PKNOX2: variants seen among roughly 807,000 people sequenced by gnomAD.
PKNOX2 encodes PBX/knotted 1 homeobox 2.
A neutral mutation model predicts 53.1 loss-of-function variants in PKNOX2; 14 were observed. The ratio of observed to expected loss-of-function variants is 0.26; its 90% CI spans 0.17 to 0.41. The LOEUF (loss-of-function observed/expected upper bound fraction) is 0.41. Ranked by LOEUF, PKNOX2 falls within the 10% of genes least tolerant of loss-of-function variation. The pLI is 1.00. For synonymous variants in PKNOX2, 257 were observed against 242.8 expected (o/e 1.06, Z -0.54); for missense variants, 496 against 602.8 (o/e 0.82, Z 1.85).
intron 7 of PKNOX2, among the ~76,000 whole-genome samples, chr11:125,404,444 G>C (rs1030804967): frequency 1.3e-5 from 2 of 152,210 alleles, no homozygotes; most frequent in African/African-American, 2.4e-5. Flanking sequence ...GGATTAGGTG[G>C]CTTGTTTACA....
intron 1 of PKNOX2, among the ~76,000 whole-genome samples, chr11:125,221,226 G>C (rs1941117530): frequency 6.6e-6 from 1 of 152,162 alleles, no homozygotes; most frequent in African/African-American, 2.4e-5. Context: ...CTCTGGGGCT[G>C]TGAGCCTGGC....
intron 2 of PKNOX2, among the ~76,000 whole-genome samples, chr11:125,300,096 G>C (rs920492227): frequency 2.6e-5 from 4 of 152,266 alleles, no homozygotes; most frequent in Non-Finnish European, 5.9e-5. Flanking sequence ...GGCCTTCGGG[G>C]CCGTGTGAGC....
In PKNOX2 at chr11:125,358,148, T is replaced by A. The variant is rs142692060; in HGVS notation, c.87+6756T>A. 2.1e-3 allele frequency among the ~76,000 whole-genome samples: 324 copies of A among 152,356 alleles called. 1 individual carries two copies. The highest frequency in any genetic ancestry group is 7.1e-3 in the African/African-American group (296 of 41,592). On this transcript the variant is annotated intron_variant, in intron 4 of 12. Transcript: ENST00000298282. ...CAACTTCATTCTTCACTCGATCACC[T>A]GCACATCTCCAGCAGCCCAGATGGG...
chr11:125,355,608 C>T (rs1191311082), intron 4 of PKNOX2, among the ~76,000 whole-genome samples: 1 of 152,194 alleles, frequency 6.6e-6, no homozygotes, highest in African/African-American at 2.4e-5. Flanking sequence ...TTGATTCCAA[C>T]ATCACCCCAC....
chr11:125,284,775 G>A (rs1056171080), intron 2 of PKNOX2, among the ~76,000 whole-genome samples: 2 of 152,106 alleles, frequency 1.3e-5, no homozygotes, highest in African/African-American at 4.8e-5. Flanking sequence ...CCTCCTCAGA[G>A]AAAGGACACT....
intron 6 of PKNOX2, among the ~76,000 whole-genome samples, chr11:125,391,729 G>A (rs1302242401): frequency 6.6e-6 from 1 of 152,154 alleles, no homozygotes; most frequent in Non-Finnish European, 1.5e-5. Flanking sequence ...GGTTGCATTT[G>A]TTTTGCTTTT....
At chr11:125,183,984 C>A (rs1373157693) in intron 1 of PKNOX2, among the ~76,000 whole-genome samples, 1 of 152,108 alleles carries the variant, frequency 6.6e-6, no homozygotes, top group East Asian at 1.9e-4. Flanking sequence ...AATACATTTT[C>A]AATTTATTTA....
intron 5 of PKNOX2, among the ~76,000 whole-genome samples, chr11:125,378,880 G>A (rs1011819697): frequency 1.3e-5 from 2 of 151,790 alleles, no homozygotes; most frequent in East Asian, 1.9e-4. Context: ...TTGCATCTTC[G>A]CCTCTCTGAA....
intron 3 of PKNOX2, among the ~76,000 whole-genome samples, chr11:125,349,199 T>G (rs962182260): frequency 6.6e-6 from 1 of 152,172 alleles, no homozygotes; most frequent in Non-Finnish European, 1.5e-5. Context: ...ATTCTGGAAG[T>G]TCCTTCTGAT....
At chr11:125,225,268 C>T (rs1941591763) in intron 1 of PKNOX2, among the ~76,000 whole-genome samples, 1 of 152,218 alleles carries the variant, frequency 6.6e-6, no homozygotes, top group Admixed American at 6.5e-5. Context: ...TGTCTGTCCC[C>T]TCATTAGACT....
Position 125,397,955 on chromosome 11 carries a change from C to T in PKNOX2, c.481C>T (p.Arg161Cys). 6.2e-7 allele frequency: 1 copy of T among 1,614,110 alleles called. No homozygotes were observed. Among genetic ancestry groups the T allele is most frequent in the East Asian group, 2.2e-5 (1 of 44,876 alleles). Residue 161 changes from arginine (R) to cysteine (C), a missense_variant, in exon 7 of 13, where the codon CGT (arginine) becomes TGT (cysteine). Physicochemically the swap from Arg to Cys is radical, Grantham distance 180 (BLOSUM62 -3). This residue lies in a region of PKNOX2 where 12 missense variants were observed against 37.2 expected (regional missense o/e 0.32). Transcript: ENST00000298282. ...TGAACTCTGCAAGGACTTTTGTAAC[C>T]GTTACATCACCTGCCTCAAAACCAA... ...VNELCKDFCNRYITCLKTKMH... is the reference protein window; with the variant it reads ...VNELCKDFCNCYITCLKTKMH...
chr11:125,219,904 C>T (rs2135491658), intron 1 of PKNOX2, among the ~76,000 whole-genome samples: 1 of 152,276 alleles, frequency 6.6e-6, no homozygotes, highest in East Asian at 1.9e-4. Flanking sequence ...GGAAATGATC[C>T]TAAAGACATT....
At position 125,431,550 on chromosome 11, in the gene PKNOX2, G is replaced by C. The variant is rs1437661325; in HGVS notation, c.*158G>C. ...TTGAAGAAAGGCAAAGGAGACACCTGTTCCTTCCCAACCACCGAGCTTCAA... is the reference window on the plus strand; with the variant it reads ...TTGAAGAAAGGCAAAGGAGACACCTCTTCCTTCCCAACCACCGAGCTTCAA... On this transcript the variant is annotated 3_prime_UTR_variant, in exon 13 of 13. Coordinates refer to ENST00000298282, the MANE Select transcript of PKNOX2 (RefSeq NM_001382323.2). 3.6e-6 allele frequency: 3 copies of C among 835,844 alleles called. No individual in the cohort carries two copies. In the Admixed American group the frequency reaches 8.6e-5, roughly 24 times the overall value. The allele number at this position is 835,844 out of a possible 1,614,324, so 51.8% of individuals were successfully genotyped here. A position where few individuals can be genotyped will look rare whatever the true frequency, so the allele number is the denominator to read the frequency against.
intron 6 of PKNOX2, among the ~76,000 whole-genome samples, chr11:125,390,473 G>T (rs937209436): frequency 6.6e-6 from 1 of 152,200 alleles, no homozygotes; most frequent in Non-Finnish European, 1.5e-5. Flanking sequence ...CAACTCTGAG[G>T]AGTCACTATT....
At chr11:125,241,427 T>C (rs1315380248) in intron 2 of PKNOX2, among the ~76,000 whole-genome samples, 1 of 152,222 alleles carries the variant, frequency 6.6e-6, no homozygotes, top group African/African-American at 2.4e-5. Context: ...TGCGTTCCTT[T>C]GCCTGTAGAC....
At chr11:125,314,400 CAG>C (rs1949021711) in intron 2 of PKNOX2, among the ~76,000 whole-genome samples, 1 of 152,174 alleles carries the variant, frequency 6.6e-6, no homozygotes, top group African/African-American at 2.4e-5. Flanking sequence ...AGACCTTGCT[CAG>C]AAGTCCATCT....
chr11:125,175,780 G>A (rs947622051), intron 1 of PKNOX2, among the ~76,000 whole-genome samples: 6 of 152,180 alleles, frequency 3.9e-5, no homozygotes, highest in African/African-American at 1.4e-4. Flanking sequence ...TCAGTCAACT[G>A]GTGGCAATAA....
chr11:125,382,568 G>A (rs909284604), intron 5 of PKNOX2, among the ~76,000 whole-genome samples: 3 of 152,144 alleles, frequency 2.0e-5, no homozygotes, highest in Non-Finnish European at 2.9e-5. Context: ...TTGAGAGTAG[G>A]GAGGTTCATA....
rs1267638322 is a variant in PKNOX2, at chr11:125,432,711, C to T, written c.*1319C>T. The T allele has an allele frequency of 2.0e-5, 3 of 152,882 alleles. No individual in the cohort carries two copies. Among genetic ancestry groups the T allele is most frequent in the African/African-American group, 7.2e-5 (3 of 41,590 alleles). The allele number at this position is 152,882 out of a possible 1,614,324, so 9.5% of individuals were successfully genotyped here. A position where few individuals can be genotyped will look rare whatever the true frequency, so the allele number is the denominator to read the frequency against. On this transcript the variant is annotated 3_prime_UTR_variant, in exon 13 of 13. Transcript: ENST00000298282. The stretch of plus-strand genomic sequence containing the variant: ...CCTTCCAGACCCCCTTGGTTGGCAC[C>T]CTCTCCTCCGGTTCCCTCTCACCCC...
Sources: gnomAD v4.1 joint callset for allele counts (sites outside exome capture counted in the v4.1 genomes callset) on GRCh38, gnomAD v4.1.1 for gene constraint, gnomAD v4.1.1 regional missense constraint, MANE v1.5 for transcripts, NCBI Gene and HGNC (gene_info 2026-07-23, HGNC 2026-07-21) for gene names.